Variants in KCNIP4 observed in about 807,000 individuals in gnomAD.
KCNIP4 encodes the protein Kv channel-interacting protein 4.
Under a neutral mutation model 34.0 loss-of-function variants are expected in KCNIP4, and 12 were observed. The ratio of observed to expected loss-of-function variants is 0.35; its 90% CI spans 0.23 to 0.57. KCNIP4 has a LOEUF of 0.57. Among genes scored for constraint, KCNIP4 ranks in the 20% least tolerant of loss-of-function variants. The pLI is 0.83. For synonymous variants in KCNIP4, 124 were observed against 102.2 expected (o/e 1.21, Z -1.29); for missense variants, 238 against 311.7 (o/e 0.76, Z 1.78).
intron 1 of KCNIP4, among the ~76,000 whole-genome samples, chr4:21,440,719 C>T (rs1046459400): frequency 1.3e-5 from 2 of 152,108 alleles, no homozygotes; most frequent in Non-Finnish European, 1.5e-5. Flanking sequence ...CATCTCTATT[C>T]GACTTGAATA....
chr4:21,234,543 A>T (rs1302530150), intron 1 of KCNIP4, among the ~76,000 whole-genome samples: 1 of 130,960 alleles, frequency 7.6e-6, no homozygotes, highest in East Asian at 2.1e-4. Flanking sequence ...TAACGTATAT[A>T]ATATATATTA....
chr4:20,746,383 G>A (rs577103875), intron 5 of KCNIP4, among the ~76,000 whole-genome samples: 1 of 151,938 alleles, frequency 6.6e-6, no homozygotes. Context: ...AGGGTGGGGG[G>A]CTAGGGGAGG....
intron 1 of KCNIP4, chr4:21,613,754 G>A (rs1284713664): frequency 1.3e-5 from 2 of 152,052 alleles, no homozygotes; most frequent in South Asian, 2.1e-4. Context: ...AATGTTCCAT[G>A]CATTTATTTA....
chr4:21,553,903 G>T (rs1225326898), intron 1 of KCNIP4, among the ~76,000 whole-genome samples: 1 of 152,066 alleles, frequency 6.6e-6, no homozygotes, highest in East Asian at 1.9e-4. Context: ...TACCTAAAAA[G>T]TTCATTTTTC....
intron 1 of KCNIP4, among the ~76,000 whole-genome samples, chr4:21,924,243 CTTTTT>C (rs67541105): frequency 9.3e-6 from 1 of 107,564 alleles, no homozygotes; most frequent in Non-Finnish European, 1.9e-5. Flanking sequence ...GAATATATTT[CTTTTT>C]TTTTTTTTTT....
At chr4:21,287,855 A>G (rs546352735) in intron 1 of KCNIP4, among the ~76,000 whole-genome samples, 2 of 152,300 alleles carry the variant, frequency 1.3e-5, no homozygotes, top group East Asian at 1.9e-4. Flanking sequence ...AAAAATATAT[A>G]TATAGTTAAT....
intron 1 of KCNIP4, among the ~76,000 whole-genome samples, chr4:21,175,897 C>A (rs1441388246): frequency 6.6e-6 from 1 of 152,176 alleles, no homozygotes; most frequent in Middle Eastern, 3.2e-3. Flanking sequence ...CTATGGTATA[C>A]CTCTACCGTC....
intron 1 of KCNIP4, among the ~76,000 whole-genome samples, chr4:21,698,684 A>T (rs1712590328): frequency 2.0e-5 from 3 of 152,170 alleles, no homozygotes; most frequent in Middle Eastern, 3.2e-3. Flanking sequence ...ATAAATATAA[A>T]TATTATATCT....
intron 1 of KCNIP4, among the ~76,000 whole-genome samples, chr4:21,316,742 C>T (rs534142458): frequency 1.9e-4 from 29 of 152,284 alleles, no homozygotes; most frequent in African/African-American, 6.0e-4. Context: ...CAATGCAGAA[C>T]GTTCCAGGAC....
At chr4:21,415,174 T>C (rs1023566585) in intron 1 of KCNIP4, among the ~76,000 whole-genome samples, 2 of 152,112 alleles carry the variant, frequency 1.3e-5, no homozygotes, top group African/African-American at 4.8e-5. Context: ...GGACATTATA[T>C]AAGTGAAGAA....
intron 1 of KCNIP4, among the ~76,000 whole-genome samples, chr4:21,892,321 A>G (rs1329590197): frequency 7.6e-6 from 1 of 131,248 alleles, no homozygotes; most frequent in Non-Finnish European, 1.7e-5. Flanking sequence ...TTATCCAAAT[A>G]CAAAAAAAAA....
At chr4:21,814,387 T>C (rs998200409) in intron 1 of KCNIP4, among the ~76,000 whole-genome samples, 1 of 152,122 alleles carries the variant, frequency 6.6e-6, no homozygotes, top group African/African-American at 2.4e-5. Flanking sequence ...GATGGGTCTT[T>C]CCCATGCTGT....
intron 1 of KCNIP4, among the ~76,000 whole-genome samples, chr4:21,415,206 T>C (rs1268545252): frequency 1.3e-5 from 2 of 151,976 alleles, no homozygotes; most frequent in African/African-American, 4.8e-5. Context: ...GAAAGACAAA[T>C]ACTGCATGAT....
chr4:21,839,951 C>T lies in KCNIP4; in HGVS notation c.61+108620G>A, dbSNP rs183477663. On this transcript the variant is annotated intron_variant, in intron 1 of 8. Transcript: ENST00000382152. ...AAGGTGGAAACTCTCCCTCCCCACCCTACATCTTGCCACTCTCATGAATTC... is the reference window on the plus strand; with the variant it reads ...AAGGTGGAAACTCTCCCTCCCCACCTTACATCTTGCCACTCTCATGAATTC... Among the ~76,000 whole-genome samples the T allele has an allele frequency of 1.6e-3, 251 of 152,126 alleles. 2 individuals are homozygous for T. Among genetic ancestry groups the T allele is most frequent in the African/African-American group, 5.7e-3 (237 of 41,492 alleles).
intron 1 of KCNIP4, among the ~76,000 whole-genome samples, chr4:21,934,731 G>T (rs766155091): frequency 2.6e-5 from 4 of 152,012 alleles, no homozygotes; most frequent in Non-Finnish European, 5.9e-5. Context: ...GGACAGTCAA[G>T]AAATAAGAGT....
intron 1 of KCNIP4, among the ~76,000 whole-genome samples, chr4:21,594,101 T>A (rs1483231591): frequency 6.6e-6 from 1 of 152,008 alleles, no homozygotes; most frequent in African/African-American, 2.4e-5. Context: ...AAAGATACAA[T>A]ACCAAATTTC....
chr4:21,865,018 A>G (rs1417569902), intron 1 of KCNIP4, among the ~76,000 whole-genome samples: 27 of 152,204 alleles, frequency 1.8e-4, no homozygotes, highest in Non-Finnish European at 8.8e-5. Flanking sequence ...AAAAAGAAAT[A>G]TCACCACTTA....
At chr4:20,778,067 G>A (rs770178746) in intron 3 of KCNIP4, among the ~76,000 whole-genome samples, 28 of 152,146 alleles carry the variant, frequency 1.8e-4, no homozygotes, top group Non-Finnish European at 4.1e-4. Flanking sequence ...GGAAGAAGAG[G>A]CATTCAAGTA....
At position 21,757,231 on chromosome 4, in the gene KCNIP4, G is replaced by GA. The variant is rs1560691604; in HGVS notation, c.61+191339dup. Among the ~76,000 whole-genome samples the GA allele has an allele frequency of 1.8e-3, 50 of 27,592 alleles. 5 individuals carry two copies. The highest frequency in any genetic ancestry group is 0.013 in the African/African-American group (46 of 3,490). 18.1% of individuals were successfully genotyped at this position (27,592 alleles called of 152,430 possible). ...AGAAAGAAAGAAAGAAAGAAAGAAA[G>GA]AAAGAAAGAAAGAAAGAAAAGAAAA... is the stretch of plus-strand genomic sequence containing the variant. On this transcript the variant is annotated intron_variant, in intron 1 of 8. Coordinates refer to ENST00000382152, the MANE Select transcript of KCNIP4 (RefSeq NM_025221.6).
Sources: gnomAD v4.1 joint callset for allele counts (sites outside exome capture counted in the v4.1 genomes callset) on GRCh38, gnomAD v4.1.1 for gene constraint, MANE v1.5 for transcripts, NCBI Gene and HGNC (gene_info 2026-07-23, HGNC 2026-07-21) for gene names.